The following SLC25A21 variants were observed in gnomAD, a reference collection of about 807,000 sequenced individuals.
SLC25A21 encodes solute carrier family 25 member 21.
In SLC25A21, 47 loss-of-function variants were observed where a neutral mutation model predicts 43.8. The ratio of observed to expected loss-of-function variants is 1.07; its 90% CI spans 0.85 to 1.37. The LOEUF (loss-of-function observed/expected upper bound fraction) is 1.37, where lower values mean the gene tolerates loss of function less well. SLC25A21 is among the 40% of genes most tolerant of loss of function. The pLI, the probability that SLC25A21 is intolerant of heterozygous loss-of-function variation, is 0.00. For missense variants in SLC25A21, 352 were observed against 350.2 expected (o/e 1.00, Z -0.04); for synonymous variants, 131 against 121.3 (o/e 1.08, Z -0.52).
At chr14:36,702,840 G>A (rs939239216) in intron 7 of SLC25A21, among the ~76,000 whole-genome samples, 2 of 151,940 alleles carry the variant, frequency 1.3e-5, no homozygotes, top group Admixed American at 6.6e-5. Context: ...CATCCACTTG[G>A]GGAGTGTCTG....
At chr14:37,063,414 C>T (rs966854492) in intron 1 of SLC25A21, among the ~76,000 whole-genome samples, 3 of 151,928 alleles carry the variant, frequency 2.0e-5, no homozygotes, top group Non-Finnish European at 2.9e-5. Context: ...GCAGGAAAAT[C>T]GCTTGAACCC....
At chr14:37,110,155 G>C (rs1962992085) in intron 1 of SLC25A21, among the ~76,000 whole-genome samples, 2 of 152,138 alleles carry the variant, frequency 1.3e-5, no homozygotes, top group African/African-American at 2.4e-5. Flanking sequence ...CACTACTTCA[G>C]ACTTTCTAAT....
intron 1 of SLC25A21, among the ~76,000 whole-genome samples, chr14:36,923,756 C>A (rs988814376): frequency 6.6e-6 from 1 of 151,880 alleles, no homozygotes; most frequent in African/African-American, 2.4e-5. Context: ...TTAAAAATAG[C>A]AATACAAAAA....
chr14:36,792,208 T>C (rs982132025), intron 3 of SLC25A21, among the ~76,000 whole-genome samples: 2 of 152,164 alleles, frequency 1.3e-5, no homozygotes, highest in Non-Finnish European at 2.9e-5. Flanking sequence ...TGTCCCACGC[T>C]AGTCCTAAAG....
chr14:36,787,116 C>G (rs1039741120), intron 3 of SLC25A21, among the ~76,000 whole-genome samples: 6 of 152,192 alleles, frequency 3.9e-5, no homozygotes, highest in Admixed American at 3.3e-4. Flanking sequence ...GAGCTGGATT[C>G]ACACATAATG....
chr14:36,983,233 C>T (rs193088492), intron 1 of SLC25A21, among the ~76,000 whole-genome samples: 1 of 152,296 alleles, frequency 6.6e-6, no homozygotes, highest in Admixed American at 6.5e-5. Context: ...GTCCATATTC[C>T]TGGGTTCACT....
At chr14:37,125,728 A>C (rs1963286125) in intron 1 of SLC25A21, among the ~76,000 whole-genome samples, 1 of 152,202 alleles carries the variant, frequency 6.6e-6, no homozygotes, top group Non-Finnish European at 1.5e-5. Context: ...GGCAGACTCC[A>C]AGTCCATAGA....
At chr14:36,876,441 T>G (rs1353679997) in intron 1 of SLC25A21, among the ~76,000 whole-genome samples, 1 of 152,144 alleles carries the variant, frequency 6.6e-6, no homozygotes, top group Admixed American at 6.6e-5. Flanking sequence ...AGCACCCAGT[T>G]GGAGTCTCAT....
intron 1 of SLC25A21, among the ~76,000 whole-genome samples, chr14:36,921,947 C>G (rs1052939097): frequency 2.0e-5 from 3 of 151,974 alleles, no homozygotes; most frequent in African/African-American, 7.2e-5. Flanking sequence ...GAGTTCGAGA[C>G]CAGCCTGGCC....
intron 3 of SLC25A21, among the ~76,000 whole-genome samples, chr14:36,806,600 T>C (rs1199535114): frequency 6.6e-6 from 1 of 152,194 alleles, no homozygotes; most frequent in Non-Finnish European, 1.5e-5. Flanking sequence ...ATAATAGTAG[T>C]ATGTCCATGC....
At chr14:36,907,416 T>G (rs1284321667) in intron 1 of SLC25A21, among the ~76,000 whole-genome samples, 1 of 152,156 alleles carries the variant, frequency 6.6e-6, no homozygotes, top group Non-Finnish European at 1.5e-5. Context: ...GTACAACATA[T>G]TTTTTGAAGT....
intron 1 of SLC25A21, among the ~76,000 whole-genome samples, chr14:36,922,337 C>T (rs529286348): frequency 6.6e-6 from 1 of 151,970 alleles, no homozygotes; most frequent in Non-Finnish European, 1.5e-5. Context: ...TATGATCGTT[C>T]CTGCATTCCA....
At chr14:36,736,123 G>A (rs377112450) in intron 3 of SLC25A21, among the ~76,000 whole-genome samples, 1 of 151,816 alleles carries the variant, frequency 6.6e-6, no homozygotes, top group Admixed American at 6.6e-5. Context: ...TTTTAGTAGA[G>A]ATGGGGTTTC....
intron 1 of SLC25A21, among the ~76,000 whole-genome samples, chr14:36,881,210 G>A (rs1211090390): frequency 1.3e-5 from 2 of 152,118 alleles, no homozygotes; most frequent in African/African-American, 4.8e-5. Flanking sequence ...ACTAACGACA[G>A]AAAACACAGA....
chr14:36,750,082 T>C (rs1327164901), intron 3 of SLC25A21, among the ~76,000 whole-genome samples: 2 of 152,214 alleles, frequency 1.3e-5, no homozygotes, highest in Non-Finnish European at 2.9e-5. Context: ...TAAATATTTG[T>C]TGACTGGAAG....
rs768786099 is a variant in SLC25A21, at chr14:36,683,890, G to A, written c.786-10C>T. 1.9e-6 allele frequency: 3 copies of A among 1,599,778 alleles called. No homozygotes were observed. The highest frequency in any genetic ancestry group is 2.6e-6 in the Non-Finnish European group (3 of 1,170,904). On this transcript the variant is annotated splice_polypyrimidine_tract_variant and intron_variant, in intron 8 of 9. Transcript: ENST00000331299. ...GTACAAAGCTAAAATCCTGTAATGG[G>A]AAGGGAAAGAGAAACGTTCTTATTC...
At chr14:37,053,470 T>C (rs1340687211) in intron 1 of SLC25A21, among the ~76,000 whole-genome samples, 1 of 152,200 alleles carries the variant, frequency 6.6e-6, no homozygotes, top group African/African-American at 2.4e-5. Flanking sequence ...AAAGAAAGGT[T>C]AAATGCTATA....
intron 6 of SLC25A21, among the ~76,000 whole-genome samples, chr14:36,717,904 G>C (rs1321904045): frequency 6.6e-6 from 1 of 152,132 alleles, no homozygotes; most frequent in Non-Finnish European, 1.5e-5. Context: ...TGAGCGTCAG[G>C]AAAAATGGAA....
intron 1 of SLC25A21, among the ~76,000 whole-genome samples, chr14:37,018,317 A>G (rs1273490426): frequency 2.0e-5 from 3 of 152,002 alleles, no homozygotes; most frequent in Non-Finnish European, 2.9e-5. Context: ...CCTATCTTAC[A>G]AATTGGCACC....
Sources: allele counts gnomAD v4.1 joint callset (sites outside exome capture counted in the v4.1 genomes callset), GRCh38; gene constraint gnomAD v4.1.1; transcripts MANE v1.5; gene names NCBI Gene and HGNC (gene_info 2026-07-23, HGNC 2026-07-21).